The following PRELID2 variants were observed in gnomAD, a reference collection of about 807,000 sequenced individuals.
PRELID2 encodes PRELI domain containing 2.
Under a neutral mutation model 28.4 loss-of-function variants are expected in PRELID2, and 25 were observed. The ratio of observed to expected loss-of-function variants is 0.88; its 90% confidence interval spans 0.64 to 1.23. The LOEUF is 1.23. Ranked by LOEUF, PRELID2 falls within the 50% of genes most tolerant of loss-of-function variation. PRELID2 has a pLI of 0.00. For synonymous variants in PRELID2, 76 were observed against 71.6 expected (o/e 1.06, Z -0.31); for missense variants, 201 against 214.4 (o/e 0.94, Z 0.39).
At chr5:145,742,542 A>G (rs1756863942) in intron 1 of PRELID2, among the ~76,000 whole-genome samples, 1 of 149,352 alleles carries the variant, frequency 6.7e-6, no homozygotes. Context: ...AAAAAAAAAA[A>G]AAAAGAACTA....
the PRELID2 span, among the ~76,000 whole-genome samples, chr5:145,425,577 A>T: frequency 6.6e-6 from 1 of 152,182 alleles, no homozygotes; most frequent in Non-Finnish European, 1.5e-5. Flanking sequence ...ATGCAGCCAT[A>T]AAAAAGAACA....
the PRELID2 span, among the ~76,000 whole-genome samples, chr5:145,274,185 G>A: frequency 2.6e-4 from 39 of 152,174 alleles, no homozygotes; most frequent in African/African-American, 3.9e-4. Flanking sequence ...ATCAGATAAA[G>A]TACAATTATT....
chr5:145,745,014 A>G (rs918583694), intron 1 of PRELID2, among the ~76,000 whole-genome samples: 2 of 152,082 alleles, frequency 1.3e-5, no homozygotes, highest in African/African-American at 4.8e-5. Context: ...AGAAAGGAAC[A>G]TAAATGATCT....
the PRELID2 span, among the ~76,000 whole-genome samples, chr5:145,396,475 T>C: frequency 6.7e-6 from 1 of 150,026 alleles, no homozygotes; most frequent in East Asian, 2.0e-4. Flanking sequence ...CATTTACATT[T>C]TTCACAGATT....
chr5:145,518,962 T>C (rs1752541803), intron 1 of PRELID2, among the ~76,000 whole-genome samples: 1 of 152,194 alleles, frequency 6.6e-6, no homozygotes, highest in Non-Finnish European at 1.5e-5. Context: ...TCCACAGTGT[T>C]CCTGAATGTT....
At position 145,758,423 on chromosome 5, in the gene PRELID2, C is replaced by A. The variant is rs1332833152; in HGVS notation, c.*2113G>T. Among the ~76,000 whole-genome samples, 1 of 152,060 alleles carries A rather than the reference C, an allele frequency of 6.6e-6. No individual in the cohort carries two copies. The highest frequency in any genetic ancestry group is 2.4e-5 in the African/African-American group (1 of 41,386). ...TGTTCTTAGCTGCCCACTGGAACTA[C>A]CAAAGGAGTTTTTTTTAAAGCTGAT... On this transcript the variant is annotated 3_prime_UTR_variant, in exon 7 of 7. Coordinates refer to ENST00000683046, the MANE Select transcript of PRELID2 (RefSeq NM_205846.3).
the PRELID2 span, among the ~76,000 whole-genome samples, chr5:145,442,536 G>A: frequency 3.0e-4 from 46 of 151,982 alleles, no homozygotes; most frequent in African/African-American, 1.0e-3. Context: ...GGGTGTCACC[G>A]CCTTTTGGTC....
In PRELID2 at chr5:145,534,079, T is replaced by C. The variant is rs992476809; in HGVS notation, n.71-60764A>G. Among the ~76,000 whole-genome samples, 7 of 152,046 alleles carry C rather than the reference T, an allele frequency of 4.6e-5. 1 individual carries two copies. The highest frequency in any genetic ancestry group is 2.0e-4 in the Admixed American group (3 of 15,238). Reference sequence around the variant, plus strand: ...CCTTCTAATAGATAAAAGTCTTTATTGTAGTAAAAGGAAATGGCAAATTTC... The same window carrying C: ...CCTTCTAATAGATAAAAGTCTTTATCGTAGTAAAAGGAAATGGCAAATTTC... On this transcript the variant is annotated intron_variant and non_coding_transcript_variant, in intron 1 of 2. Coordinates refer to the PRELID2 transcript ENST00000510259.
At chr5:145,372,962 ACAAC>A in the PRELID2 span, among the ~76,000 whole-genome samples, 92 of 48,674 alleles carry the variant, frequency 1.9e-3, 1 homozygote, top group East Asian at 0.054. Flanking sequence ...ATTATATATT[ACAAC>A]ATATATAATA....
intron 1 of PRELID2, among the ~76,000 whole-genome samples, chr5:145,550,102 A>T (rs1226619350): frequency 1.3e-5 from 2 of 152,196 alleles, no homozygotes; most frequent in Admixed American, 1.3e-4. Flanking sequence ...GCAAATAAGT[A>T]AACATATTAA....
At chr5:145,535,703 T>C (rs1752692607) in intron 1 of PRELID2, among the ~76,000 whole-genome samples, 1 of 151,894 alleles carries the variant, frequency 6.6e-6, no homozygotes, top group South Asian at 2.1e-4. Flanking sequence ...GCTCCAACTT[T>C]CAGAGAAAAG....
intron 1 of PRELID2, among the ~76,000 whole-genome samples, chr5:145,503,494 G>A (rs980127407): frequency 6.6e-6 from 1 of 152,006 alleles, no homozygotes; most frequent in African/African-American, 2.4e-5. Context: ...CTAGATATCA[G>A]TCATTTTCTA....
intron 1 of PRELID2, among the ~76,000 whole-genome samples, chr5:145,615,438 T>G (rs997707268): frequency 7.1e-6 from 1 of 140,084 alleles, no homozygotes; most frequent in Non-Finnish European, 1.5e-5. Context: ...GCCATTCTCC[T>G]GCCTCAGCCT....
chr5:145,505,590 T>C (rs1477652364), intron 1 of PRELID2, among the ~76,000 whole-genome samples: 1 of 152,164 alleles, frequency 6.6e-6, no homozygotes, highest in African/African-American at 2.4e-5. Flanking sequence ...CAGCTCGAAA[T>C]CCTCATACTT....
chr5:145,351,115 C>T, the PRELID2 span, among the ~76,000 whole-genome samples: 4 of 152,242 alleles, frequency 2.6e-5, no homozygotes, highest in Admixed American at 2.0e-4. Context: ...CTTTCCCAAG[C>T]TTACAAAGCC....
chr5:145,238,950 G>A, the PRELID2 span, among the ~76,000 whole-genome samples: 1 of 147,460 alleles, frequency 6.8e-6, no homozygotes, highest in Admixed American at 6.6e-5. Context: ...ATAATGTGTG[G>A]GTATCTATCT....
At chr5:145,781,423 C>T (rs975830824) in intron 5 of PRELID2, among the ~76,000 whole-genome samples, 4 of 151,962 alleles carry the variant, frequency 2.6e-5, no homozygotes, top group Non-Finnish European at 5.9e-5. Context: ...AACTAAAAGA[C>T]TTAATTCAAC....
chr5:145,288,386 T>A, the PRELID2 span, among the ~76,000 whole-genome samples: 1 of 152,138 alleles, frequency 6.6e-6, no homozygotes, highest in African/African-American at 2.4e-5. Flanking sequence ...CTTTGAGAGC[T>A]CTTTTAGGTG....
At chr5:145,562,832 C>G (rs1474276243) in intron 1 of PRELID2, among the ~76,000 whole-genome samples, 1 of 151,864 alleles carries the variant, frequency 6.6e-6, no homozygotes, top group Non-Finnish European at 1.5e-5. Flanking sequence ...TAAATTTAAA[C>G]AAAATAAATA....
Sources: gnomAD v4.1 joint callset for allele counts (sites outside exome capture counted in the v4.1 genomes callset) on GRCh38, gnomAD v4.1.1 for gene constraint, MANE v1.5 for transcripts, NCBI Gene and HGNC (gene_info 2026-07-23, HGNC 2026-07-21) for gene names.